Variants in LNPEP observed in about 807,000 individuals in gnomAD.
LNPEP encodes leucyl and cystinyl aminopeptidase.
Under a neutral mutation model 120.6 loss-of-function variants are expected in LNPEP, and 64 were observed. The observed-to-expected ratio is 0.53, with a 90% CI of 0.43 to 0.65. LNPEP has a LOEUF of 0.65. LNPEP is among the 30% of genes least tolerant of loss of function. The pLI, the probability that LNPEP is intolerant of heterozygous loss-of-function variation, is 0.00. For missense variants in LNPEP, 1,057 were observed against 1,200.0 expected (o/e 0.88, Z 1.76); for synonymous variants, 435 against 425.4 (o/e 1.02, Z -0.28).
rs372997065 is a variant in LNPEP at position 96,979,226 on chromosome 5, A to G, written c.108A>G (p.Leu36=). 1 of 1,613,920 alleles carries G rather than the reference A, an allele frequency of 6.2e-7. No homozygotes were observed. Among genetic ancestry groups the G allele is most frequent in the Non-Finnish European group, 8.5e-7 (1 of 1,179,882 alleles). The change falls in exon 2 of 18, where the codon TTA becomes TTG. Residue 36 remains leucine (L), a synonymous_variant. Coordinates refer to ENST00000231368, the MANE Select transcript of LNPEP (RefSeq NM_005575.3). ...TGGATTTAGCCAAAGAGCCTTGTTT[A>G]CATCCTCTAGAGCCTGATGAGGTGG... The part of the protein sequence containing the change: ...DVVDLAKEPC[L]HPLEPDEVEY...
intron 1 of LNPEP, among the ~76,000 whole-genome samples, chr5:96,954,715 T>TATATAC (rs1241526639): frequency 5.3e-5 from 5 of 94,560 alleles, no homozygotes; most frequent in African/African-American, 2.0e-4. Flanking sequence ...TATATACACA[T>TATATAC]ATATATACAT....
At chr5:96,979,085 T>C in intron 1 of LNPEP, 53 bp from the exon 2 acceptor site, 3 of 1,522,082 alleles carry the variant, frequency 2.0e-6, no homozygotes, top group East Asian at 2.3e-5. Flanking sequence ...ATTAATATTA[T>C]GAGCTTTTTT....
intron 2 of LNPEP, among the ~76,000 whole-genome samples, chr5:96,981,216 G>A (rs1790115712): frequency 6.6e-6 from 1 of 151,904 alleles, no homozygotes; most frequent in African/African-American, 2.4e-5. Context: ...ATAGAACTAA[G>A]CAAAATTAAA....
intron 1 of LNPEP, among the ~76,000 whole-genome samples, chr5:96,965,337 G>A (rs1280494505): frequency 6.6e-6 from 1 of 151,098 alleles, no homozygotes; most frequent in African/African-American, 2.4e-5. Flanking sequence ...AAAAAAAAAA[G>A]TAGATTGAGA....
rs1791537600 is a variant in LNPEP at position 97,034,615 on chromosome 5, C to G, written c.*6082C>G. On this transcript the variant is annotated 3_prime_UTR_variant, in exon 18 of 18. Coordinates refer to ENST00000231368, the MANE Select transcript of LNPEP (RefSeq NM_005575.3). The stretch of plus-strand genomic sequence containing the variant: ...TTGCCTTCCTCAGAGCCTGTATACA[C>G]AAGCAAGTAGTATGTGAGCACTACA... The G allele has an allele frequency of 6.6e-6, 1 of 151,956 alleles. No homozygotes were observed. The highest frequency in any genetic ancestry group is 2.4e-5 in the African/African-American group (1 of 41,372). The allele number at this position is 151,956 out of a possible 1,614,324, so 9.4% of individuals were successfully genotyped here. A position where few individuals can be genotyped will look rare whatever the true frequency, so the allele number is the denominator to read the frequency against.
At chr5:96,962,240 C>G (rs1442310607) in intron 1 of LNPEP, among the ~76,000 whole-genome samples, 1 of 152,018 alleles carries the variant, frequency 6.6e-6, no homozygotes, top group Non-Finnish European at 1.5e-5. Context: ...GGACTTATAC[C>G]CAAAGTCTAA....
intron 14 of LNPEP, among the ~76,000 whole-genome samples, chr5:97,023,477 C>T (rs560372117): frequency 6.6e-6 from 1 of 152,136 alleles, no homozygotes; most frequent in East Asian, 1.9e-4. Context: ...TGGTCTTGAA[C>T]TCCTGACCTC....
intron 1 of LNPEP, among the ~76,000 whole-genome samples, chr5:96,940,904 T>C (rs1415419068): frequency 6.6e-6 from 1 of 152,186 alleles, no homozygotes; most frequent in Non-Finnish European, 1.5e-5. Flanking sequence ...GGGGGATGTA[T>C]GTATACTTTC....
At chr5:96,995,513 TTA>T (rs1204278400) in intron 6 of LNPEP, among the ~76,000 whole-genome samples, 1 of 152,146 alleles carries the variant, frequency 6.6e-6, no homozygotes, top group Non-Finnish European at 1.5e-5. Flanking sequence ...CTTCATTTGT[TTA>T]TATATGCCAT....
At chr5:97,028,367 T>C (rs1210543772) in intron 17 of LNPEP, 35 bp from the exon 18 acceptor site, 13 of 1,609,136 alleles carry the variant, frequency 8.1e-6, no homozygotes, top group Non-Finnish European at 1.1e-5. Context: ...ATCGTCCTTT[T>C]CTTCTTTTGA....
intron 2 of LNPEP, among the ~76,000 whole-genome samples, chr5:96,980,337 C>G (rs1256338153): frequency 6.6e-6 from 1 of 152,002 alleles, no homozygotes; most frequent in African/African-American, 2.4e-5. Context: ...ACCTATTTTC[C>G]TAATGTGCAG....
intron 1 of LNPEP, among the ~76,000 whole-genome samples, chr5:96,970,923 C>T (rs1313086420): frequency 6.6e-6 from 1 of 151,860 alleles, no homozygotes; most frequent in African/African-American, 2.4e-5. Context: ...AGAATGTACA[C>T]CTTTTATTTT....
chr5:97,025,686 A>G (rs139772448), intron 15 of LNPEP, among the ~76,000 whole-genome samples: 102 of 152,330 alleles, frequency 6.7e-4, no homozygotes, highest in African/African-American at 2.3e-3. Flanking sequence ...ATACACACAT[A>G]CCTACATATT....
rs1790061868 is a variant in LNPEP at position 96,978,996 on chromosome 5, A to C, written c.20-142A>C. The C allele has an allele frequency of 1.2e-5, 10 of 829,118 alleles. No homozygotes were observed. The Admixed American group carries it at 1.2e-4, about 10-fold the overall frequency. The allele number at this position is 829,118 out of a possible 1,614,324, so 51.4% of individuals were successfully genotyped here. A position where few individuals can be genotyped will look rare whatever the true frequency, so the allele number is the denominator to read the frequency against. On this transcript the variant is annotated intron_variant, in intron 1 of 17. Coordinates refer to ENST00000231368, the MANE Select transcript of LNPEP (RefSeq NM_005575.3). ...ATGGTATAAACATCTTATTTAATTC[A>C]GTAGCTCTGAGATGGAAATAAGTCT...
In LNPEP at chr5:96,988,838, C is replaced by G. The variant is rs765895445; in HGVS notation, c.1131+2168C>G. 4.8e-4 allele frequency among the ~76,000 whole-genome samples: 73 copies of G among 151,936 alleles called. 1 individual carries two copies. The highest frequency in any genetic ancestry group is 1.5e-4 in the Non-Finnish European group (10 of 67,978). ...TATGTTGCTCAGGCCAGCTTAAACTCCTGGGCTCAAGCAATCCTCCTGCCT... is the reference window on the plus strand; with the variant it reads ...TATGTTGCTCAGGCCAGCTTAAACTGCTGGGCTCAAGCAATCCTCCTGCCT... On this transcript the variant is annotated intron_variant, in intron 4 of 17. Coordinates refer to ENST00000231368, the MANE Select transcript of LNPEP (RefSeq NM_005575.3).
intron 17 of LNPEP, among the ~76,000 whole-genome samples, chr5:97,028,066 G>A (rs1393935533): frequency 6.6e-6 from 1 of 152,164 alleles, no homozygotes; most frequent in African/African-American, 2.4e-5. Context: ...TCATAAAATT[G>A]TTTGGAAGAA....
chr5:96,989,360 A>G (rs1374792908), intron 4 of LNPEP, among the ~76,000 whole-genome samples: 15 of 23,006 alleles, frequency 6.5e-4, no homozygotes, highest in Admixed American at 3.7e-3. Flanking sequence ...ATTATATATT[A>G]TATATAATTA....
rs749491427 is a variant in LNPEP, at chr5:96,993,902, C to T, written c.1338C>T (p.Asp446=). ...LTFREETLLY[D]SNTSSMADRK... ...TCCGAGAGGAGACACTTCTGTATGA[C>T]AGTAACACTTCTTCAATGGCGGATA... The change falls in exon 6 of 18, where the codon GAC becomes GAT. Residue 446 remains aspartate, a synonymous_variant. Coordinates refer to ENST00000231368, the MANE Select transcript of LNPEP (RefSeq NM_005575.3). The T allele has an allele frequency of 6.2e-7, 1 of 1,613,832 alleles. No individual in the cohort carries two copies. The highest frequency in any genetic ancestry group is 8.5e-7 in the Non-Finnish European group (1 of 1,179,780).
chr5:97,008,279 T>C (rs544641571), intron 11 of LNPEP, among the ~76,000 whole-genome samples: 1 of 151,670 alleles, frequency 6.6e-6, no homozygotes, highest in South Asian at 2.1e-4. Flanking sequence ...CAATAAGAAA[T>C]CTGCTTTTAT....
Sources: allele counts gnomAD v4.1 joint callset (sites outside exome capture counted in the v4.1 genomes callset), GRCh38; gene constraint gnomAD v4.1.1; transcripts MANE v1.5; gene names NCBI Gene and HGNC (gene_info 2026-07-23, HGNC 2026-07-21).